The following LMO3 variants were observed in gnomAD, a reference collection of about 807,000 sequenced individuals.
The protein encoded by LMO3 is LIM domain only protein 3.
LMO3 carries 2 observed loss-of-function variants against 15.8 expected under a neutral mutation model. That is an observed-to-expected ratio of 0.13 (90% CI 0.05 to 0.40). The LOEUF (loss-of-function observed/expected upper bound fraction) is 0.40. Among genes scored for constraint, LMO3 ranks in the 10% least tolerant of loss-of-function variants. LMO3 has a pLI of 0.99. For missense variants in LMO3, 86 were observed against 182.2 expected, an observed-to-expected ratio of 0.47 and a Z score of 3.04; for synonymous variants, 62 against 63.8, an observed-to-expected ratio of 0.97 and a Z score of 0.13.
At chr12:16,590,810 C>T (rs755436731) in intron 2 of LMO3, among the ~76,000 whole-genome samples, 1 of 151,930 alleles carries the variant, frequency 6.6e-6, no homozygotes, top group Non-Finnish European at 1.5e-5. Context: ...ATCAAACATG[C>T]GACTATATCA....
At chr12:16,577,553 G>C (rs1487944563) in intron 2 of LMO3, among the ~76,000 whole-genome samples, 1 of 152,094 alleles carries the variant, frequency 6.6e-6, no homozygotes, top group Non-Finnish European at 1.5e-5. Context: ...TCTACTAGAT[G>C]TTGTATATAA....
At chr12:16,558,538 GTATATCCT>G (rs1942274672) in intron 3 of LMO3, among the ~76,000 whole-genome samples, 1 of 152,026 alleles carries the variant, frequency 6.6e-6, no homozygotes, top group South Asian at 2.1e-4. Context: ...GTTTGTGTTT[GTATATCCT>G]TATCCCTACC....
rs1340825532 is a variant in LMO3 at position 16,585,722 on chromosome 12, T to C, written c.206+14933A>G. ...ATGTAAGCAGCTCCAAATATAATAA[T>C]AGAAAGGAAAATATGGGTGAGAAAT... On this transcript the variant is annotated intron_variant, in intron 2 of 3. Transcript: ENST00000537304. The surrounding 1 kb of genome is among the most constrained non-coding windows in gnomAD (Gnocchi z 4.7). Among the ~76,000 whole-genome samples, 6 of 151,998 alleles carry C rather than the reference T, an allele frequency of 3.9e-5. No homozygotes were observed. The highest frequency in any genetic ancestry group is 8.8e-5 in the Non-Finnish European group (6 of 67,980).
At position 16,551,009 on chromosome 12, in the gene LMO3, C is replaced by T. The variant is rs1330477398; in HGVS notation, c.*213G>A. The T allele has an allele frequency of 1.5e-5, 7 of 478,198 alleles. No individual in the cohort carries two copies. Among genetic ancestry groups the T allele is most frequent in the Non-Finnish European group, 2.2e-5 (6 of 266,672 alleles). The allele number at this position is 478,198 out of a possible 1,614,324, so 29.6% of individuals were successfully genotyped here. A position where few individuals can be genotyped will look rare whatever the true frequency, so the allele number is the denominator to read the frequency against. On this transcript the variant is annotated 3_prime_UTR_variant, in exon 4 of 4. Transcript: ENST00000537304. The stretch of plus-strand genomic sequence containing the variant: ...AAGCAAAAAAATCCAGCCATATGTA[C>T]ATTACTTTTTTCTTTAATAATAAAC...
rs1032953683 is a variant in LMO3 at position 16,598,087 on chromosome 12, A to G, written c.206+2568T>C. The stretch of plus-strand genomic sequence containing the variant: ...TCTAATCAAAGAAATTAATTTGTAA[A>G]TAAAATCTGCTTGACTATATTTGTT... On this transcript the variant is annotated intron_variant, in intron 2 of 3. Transcript: ENST00000537304. This position sits in a 1 kb window ranked among gnomAD's most constrained non-coding sequence, Gnocchi z 4.3. 3.9e-5 allele frequency: 6 copies of G among 152,208 alleles called. No individual in the cohort carries two copies. The highest frequency in any genetic ancestry group is 1.4e-4 in the African/African-American group (6 of 41,566). The allele number at this position is 152,208 out of a possible 1,614,324, so 9.4% of individuals were successfully genotyped here.
chr12:16,600,980 T>C, intron 1 of LMO3, 112 bp from the exon 2 acceptor site: 1 of 804,216 alleles, frequency 1.2e-6, no homozygotes, highest in Non-Finnish European at 1.9e-6. Context: ...TAGCTTTTCT[T>C]GTTTAGGGCT....
chr12:16,568,523 T>C (rs1347068426), intron 2 of LMO3, among the ~76,000 whole-genome samples: 1 of 152,164 alleles, frequency 6.6e-6, no homozygotes, highest in Non-Finnish European at 1.5e-5. Context: ...TAATGACTAC[T>C]TGACATGTAG....
chr12:16,572,366 A>G (rs1264540209), intron 2 of LMO3, among the ~76,000 whole-genome samples: 1 of 122,286 alleles, frequency 8.2e-6, no homozygotes, highest in Non-Finnish European at 1.7e-5. Context: ...TTTTTTGTAA[A>G]GAGCTGTTTC....
At chr12:16,553,851 G>T in intron 3 of LMO3, among the ~76,000 whole-genome samples, 1 of 149,246 alleles carries the variant, frequency 6.7e-6, no homozygotes, top group Admixed American at 6.6e-5. Flanking sequence ...CTTCTTATGA[G>T]ATTCAGCATT....
intron 2 of LMO3, among the ~76,000 whole-genome samples, chr12:16,568,707 A>G (rs995860188): frequency 6.6e-6 from 1 of 152,230 alleles, no homozygotes; most frequent in African/African-American, 2.4e-5. Flanking sequence ...TTCACCTTTA[A>G]AACACTTTCC....
intron 2 of LMO3, among the ~76,000 whole-genome samples, chr12:16,595,060 T>C (rs1943608048): frequency 6.6e-6 from 1 of 151,570 alleles, no homozygotes; most frequent in Admixed American, 6.6e-5. Flanking sequence ...AATACACTTG[T>C]AGAAACAGAA....
intron 2 of LMO3, among the ~76,000 whole-genome samples, chr12:16,569,613 A>G (rs1003020484): frequency 6.6e-6 from 1 of 152,226 alleles, no homozygotes; most frequent in African/African-American, 2.4e-5. Context: ...ACATTTGATG[A>G]GAAAAATATT....
At position 16,582,489 on chromosome 12, in the gene LMO3, CTGCT is replaced by C; in HGVS notation, c.206+18162_206+18165del. ...TAGAGTTATGTTAGTTTTGCATAAGCTGCTTTACATATTTTGAACTTAAGCTTCC... is the reference window on the plus strand; with the variant it reads ...TAGAGTTATGTTAGTTTTGCATAAGCTTACATATTTTGAACTTAAGCTTCC... On this transcript the variant is annotated intron_variant, in intron 2 of 3. Coordinates refer to ENST00000537304, the MANE Select transcript of LMO3 (RefSeq NM_018640.5). This position sits in a 1 kb window ranked among gnomAD's most constrained non-coding sequence, Gnocchi z 4.1. 6.6e-6 allele frequency among the ~76,000 whole-genome samples: 1 copy of C among 152,232 alleles called. No individual in the cohort carries two copies. Among genetic ancestry groups the C allele is most frequent in the Non-Finnish European group, 1.5e-5 (1 of 68,014 alleles).
At chr12:16,605,436 G>GCCCCCCCCCCCCCCCCCCCC (rs56405071) in intron 1 of LMO3, 9 of 372,676 alleles carry the variant, frequency 2.4e-5, no homozygotes, top group South Asian at 1.2e-4. Flanking sequence ...CTACCCGCCT[G>GCCCCCCCCCCCCCCCCCCCC]CCCCCCCCCC....
At chr12:16,579,265 CAAG>C (rs1943088567) in intron 2 of LMO3, among the ~76,000 whole-genome samples, 1 of 152,040 alleles carries the variant, frequency 6.6e-6, no homozygotes, top group African/African-American at 2.4e-5. Context: ...ATTAGGAAAC[CAAG>C]AACAAGAATT....
At chr12:16,600,981 G>C (rs1327961474) in intron 1 of LMO3, 113 bp from the exon 2 acceptor site, 1 of 802,810 alleles carries the variant, frequency 1.2e-6, no homozygotes, top group Non-Finnish European at 1.9e-6. Context: ...AGCTTTTCTT[G>C]TTTAGGGCTA....
At chr12:16,590,457 A>G (rs1379205105) in intron 2 of LMO3, among the ~76,000 whole-genome samples, 4 of 152,116 alleles carry the variant, frequency 2.6e-5, no homozygotes, top group African/African-American at 7.2e-5. Context: ...TAACTATAAG[A>G]TAATTAAATA....
intron 2 of LMO3, among the ~76,000 whole-genome samples, chr12:16,580,503 G>A (rs1021253898): frequency 6.6e-6 from 1 of 152,134 alleles, no homozygotes; most frequent in East Asian, 1.9e-4. Flanking sequence ...ATCTTGGATT[G>A]GATCTTGATT....
rs1177600240 is a variant in LMO3, at chr12:16,586,735, C to G, written c.206+13920G>C. On this transcript the variant is annotated intron_variant, in intron 2 of 3. Transcript: ENST00000537304. The surrounding 1 kb of genome is among the most constrained non-coding windows in gnomAD (Gnocchi z 4.3). Reference sequence around the variant, plus strand: ...CAGTAGATGATGTTTTTTTCCATTTCTCTGGTACTTGAGCTAAGCTCCTGT... The same window carrying G: ...CAGTAGATGATGTTTTTTTCCATTTGTCTGGTACTTGAGCTAAGCTCCTGT... Among the ~76,000 whole-genome samples, 3 of 152,138 alleles carry G rather than the reference C, an allele frequency of 2.0e-5. No individual in the cohort carries two copies. Among genetic ancestry groups the G allele is most frequent in the Admixed American group, 2.0e-4 (3 of 15,254 alleles).
Sources: gnomAD v4.1 joint callset for allele counts (sites outside exome capture counted in the v4.1 genomes callset) on GRCh38, gnomAD v4.1.1 for gene constraint, Gnocchi (gnomAD v3.1) non-coding constraint, MANE v1.5 for transcripts, NCBI Gene and HGNC (gene_info 2026-07-23, HGNC 2026-07-21) for gene names.